Variants in RICTOR observed in about 807,000 individuals in gnomAD.
RICTOR encodes RPTOR independent companion of MTOR complex 2.
Under a neutral mutation model 214.9 loss-of-function variants are expected in RICTOR, and 49 were observed. The ratio of observed to expected loss-of-function variants is 0.23; its 90% CI spans 0.18 to 0.29. The LOEUF (loss-of-function observed/expected upper bound fraction) is 0.29, where lower values mean the gene tolerates loss of function less well. Ranked by LOEUF, RICTOR falls within the 10% of genes least tolerant of loss-of-function variation. The probability of loss-of-function intolerance (pLI) is 1.00; values close to 1 mark genes in which losing one functional copy is unlikely to be tolerated. For synonymous variants in RICTOR, 717 were observed against 711.3 expected (o/e 1.01, Z -0.13); for missense variants, 1,625 against 2,047.0 (o/e 0.79, Z 3.98).
At chr5:38,959,141 A>C in intron 22 of RICTOR, 54 bp downstream of exon 22, 1 of 1,328,734 alleles carries the variant, frequency 7.5e-7, no homozygotes, top group Non-Finnish European at 1.0e-6. Context: ...AAAATTCATA[A>C]AGTAGTGAAT....
intron 2 of RICTOR, among the ~76,000 whole-genome samples, chr5:39,045,172 C>CT (rs1757404975): frequency 6.6e-6 from 1 of 152,158 alleles, no homozygotes; most frequent in Admixed American, 6.5e-5. Flanking sequence ...TCACAAAGCA[C>CT]TTTTACTTTG....
At chr5:38,964,230 A>C (rs1750031073) in intron 16 of RICTOR, among the ~76,000 whole-genome samples, 1 of 151,824 alleles carries the variant, frequency 6.6e-6, no homozygotes. Context: ...GAACCCTTCC[A>C]TCATTACCTT....
rs141149666 is a variant in RICTOR at position 38,977,347 on chromosome 5, T to C, written c.821+1236A>G. On this transcript the variant is annotated intron_variant, in intron 9 of 37. Coordinates refer to ENST00000357387, the MANE Select transcript of RICTOR (RefSeq NM_152756.5). ...AAACTGGTATTGTTTTAAGCCATCATGCTTATTGTTATTTGGTGTGCAGCA... is the reference window on the plus strand; with the variant it reads ...AAACTGGTATTGTTTTAAGCCATCACGCTTATTGTTATTTGGTGTGCAGCA... Among the ~76,000 whole-genome samples the C allele has an allele frequency of 9.2e-5, 14 of 152,350 alleles. No homozygotes were observed. The East Asian group carries it at 2.7e-3, about 29-fold the overall frequency.
intron 2 of RICTOR, among the ~76,000 whole-genome samples, chr5:39,026,404 T>C (rs1223730473): frequency 6.6e-6 from 1 of 152,122 alleles, no homozygotes; most frequent in Non-Finnish European, 1.5e-5. Context: ...CCTGCTATGA[T>C]AGGCAACTAC....
At chr5:39,050,332 C>T (rs1757758026) in intron 2 of RICTOR, among the ~76,000 whole-genome samples, 1 of 151,688 alleles carries the variant, frequency 6.6e-6, no homozygotes, top group African/African-American at 2.4e-5. Flanking sequence ...CTTTGTTTTT[C>T]TTTGTTTTTT....
intron 2 of RICTOR, among the ~76,000 whole-genome samples, chr5:39,071,390 G>C (rs952375797): frequency 6.6e-6 from 1 of 151,846 alleles, no homozygotes; most frequent in African/African-American, 2.4e-5. Context: ...TTATTAACAA[G>C]TTTATAATAT....
At position 38,941,640 on chromosome 5, in the gene RICTOR, A is replaced by C. The variant is rs1747585617; in HGVS notation, c.*664T>G. On this transcript the variant is annotated 3_prime_UTR_variant, in exon 38 of 38. Transcript: ENST00000357387. Reference sequence around the variant, plus strand: ...CATATATCCTGTAATAACACATTGCAACAAAATGAAGAGTTGGAAAACAAG... The same window carrying C: ...CATATATCCTGTAATAACACATTGCCACAAAATGAAGAGTTGGAAAACAAG... 4.3e-6 allele frequency: 1 copy of C among 232,226 alleles called. No individual in the cohort carries two copies. The highest frequency in any genetic ancestry group is 1.8e-4 in the South Asian group (1 of 5,518). The allele number at this position is 232,226 out of a possible 1,614,324, so 14.4% of individuals were successfully genotyped here. A position where few individuals can be genotyped will look rare whatever the true frequency, so the allele number is the denominator to read the frequency against.
rs578110421 is a variant in RICTOR, at chr5:39,073,855, C to T, written c.97+256G>A. Among the ~76,000 whole-genome samples the T allele has an allele frequency of 1.5e-3, 221 of 152,244 alleles. 1 individual carries two copies. Among genetic ancestry groups the T allele is most frequent in the Middle Eastern group, 6.8e-3 (2 of 294 alleles). On this transcript the variant is annotated intron_variant, in intron 2 of 37. Transcript: ENST00000357387. The stretch of plus-strand genomic sequence containing the variant: ...GTCGCCGGGTCTGCCGAGTTCCACT[C>T]GGGGCTCCCCCGCACCCGCAGCAGC...
intron 10 of RICTOR, among the ~76,000 whole-genome samples, chr5:38,973,006 C>CA (rs70982523): frequency 0.38 from 57,846 of 150,768 alleles, 11,270 homozygotes; most frequent in East Asian, 0.48. Context: ...AGAAGCCTTA[C>CA]AAAAAAAAGC....
intron 2 of RICTOR, among the ~76,000 whole-genome samples, chr5:39,063,810 C>G (rs939085862): frequency 6.6e-6 from 1 of 150,796 alleles, no homozygotes; most frequent in Non-Finnish European, 1.5e-5. Context: ...AAAACCATTA[C>G]AAATCCAAAT....
At chr5:38,999,027 CAAAA>C (rs1186312478) in intron 5 of RICTOR, among the ~76,000 whole-genome samples, 2 of 25,350 alleles carry the variant, frequency 7.9e-5, no homozygotes, top group African/African-American at 1.5e-4. Flanking sequence ...AACAAACAGG[CAAAA>C]AAAAAAAAAA....
At chr5:39,067,987 T>C (rs1759022431) in intron 2 of RICTOR, among the ~76,000 whole-genome samples, 1 of 152,068 alleles carries the variant, frequency 6.6e-6, no homozygotes, top group African/African-American at 2.4e-5. Flanking sequence ...CTCAAGAAGC[T>C]AAAGATCTAG....
intron 2 of RICTOR, among the ~76,000 whole-genome samples, chr5:39,027,375 C>A (rs1200713390): frequency 6.6e-6 from 1 of 151,672 alleles, no homozygotes; most frequent in Non-Finnish European, 1.5e-5. Context: ...AAAAAACATG[C>A]ACAAAATGAG....
chr5:38,960,101 C>G lies in RICTOR; in HGVS notation c.1852-123G>C, dbSNP rs1475006418. 1.5e-5 allele frequency: 11 copies of G among 719,732 alleles called. No homozygotes were observed. The Admixed American group carries it at 1.9e-4, about 13-fold the overall frequency. The allele number at this position is 719,732 out of a possible 1,614,324, so 44.6% of individuals were successfully genotyped here. A position where few individuals can be genotyped will look rare whatever the true frequency, so the allele number is the denominator to read the frequency against. ...GAAGTTACCAATAATAGCTATCAATCAGTGAGTACCTGTTGTTTTCTAATC... is the reference window on the plus strand; with the variant it reads ...GAAGTTACCAATAATAGCTATCAATGAGTGAGTACCTGTTGTTTTCTAATC... On this transcript the variant is annotated intron_variant, in intron 20 of 37. Coordinates refer to ENST00000357387, the MANE Select transcript of RICTOR (RefSeq NM_152756.5).
chr5:38,958,065 A>G (rs10068781), intron 24 of RICTOR, among the ~76,000 whole-genome samples: 145,701 of 151,962 alleles, frequency 0.96, 69,952 homozygotes, highest in East Asian at 0.99. Flanking sequence ...GTGAAACTCC[A>G]ACTCTACTAA....
chr5:39,003,733 G>T, intron 3 of RICTOR, 111 bp from the exon 4 acceptor site: 1 of 583,184 alleles, frequency 1.7e-6, no homozygotes, highest in Non-Finnish European at 2.9e-6. Context: ...ATAATATTTT[G>T]AAAAATATGA....
intron 1 of RICTOR, 22 bp from the exon 2 acceptor site, chr5:39,074,180 C>A (rs1439056209): frequency 1.3e-6 from 2 of 1,592,692 alleles, no homozygotes; most frequent in Admixed American, 1.7e-5. Context: ...AGACACACAG[C>A]CCCAATTAGG....
chr5:38,939,749 C>T lies in RICTOR; in HGVS notation c.*2555G>A. ...AGATTAATCCTAAAATCTTTAAAAA[C>T]TACAGTATTGACATTATTTTGGTAT... On this transcript the variant is annotated 3_prime_UTR_variant, in exon 38 of 38. Coordinates refer to ENST00000357387, the MANE Select transcript of RICTOR (RefSeq NM_152756.5). 4.4e-6 allele frequency: 1 copy of T among 228,310 alleles called. No individual in the cohort carries two copies. The highest frequency in any genetic ancestry group is 1.8e-4 in the South Asian group (1 of 5,488). 14.1% of individuals were successfully genotyped at this position (228,310 alleles called of 1,614,324 possible).
chr5:39,039,336 A>C (rs1756992198), intron 2 of RICTOR, among the ~76,000 whole-genome samples: 1 of 152,162 alleles, frequency 6.6e-6, no homozygotes, highest in South Asian at 2.1e-4. Flanking sequence ...TAAAGACTTA[A>C]ATGTTAGACC....
Sources: allele counts gnomAD v4.1 joint callset (sites outside exome capture counted in the v4.1 genomes callset), GRCh38; gene constraint gnomAD v4.1.1; transcripts MANE v1.5; gene names NCBI Gene and HGNC (gene_info 2026-07-23, HGNC 2026-07-21).